Variants in ZC3H12B observed in about 807,000 individuals in gnomAD.
ZC3H12B encodes probable ribonuclease ZC3H12B.
In ZC3H12B, 7 loss-of-function variants were observed where a neutral mutation model predicts 43.9. The observed-to-expected ratio is 0.16, with a 90% CI of 0.09 to 0.30. The LOEUF is 0.30. Among genes scored for constraint, ZC3H12B ranks in the 10% least tolerant of loss-of-function variants. The pLI is 1.00. For missense variants in ZC3H12B, 475 were observed against 670.2 expected, an observed-to-expected ratio of 0.71 and a Z score of 3.22; for synonymous variants, 222 against 241.7, an observed-to-expected ratio of 0.92 and a Z score of 0.76.
chrX:65,081,012 A>C, the ZC3H12B span, among the ~76,000 whole-genome samples: 1 of 110,536 alleles, frequency 9.0e-6, no homozygotes, highest in African/African-American at 3.3e-5. Context: ...AGTTTCTATT[A>C]ATTTTCTTTC....
the ZC3H12B span, among the ~76,000 whole-genome samples, chrX:65,240,295 T>A: frequency 3.3e-4 from 37 of 111,808 alleles, no homozygotes; most frequent in Non-Finnish European, 6.4e-4. Flanking sequence ...CCCTTTTTGT[T>A]TTGTCTGTCC....
the ZC3H12B span, among the ~76,000 whole-genome samples, chrX:65,329,815 C>A: frequency 6.3e-5 from 7 of 111,286 alleles, no homozygotes; most frequent in African/African-American, 2.3e-4. Context: ...AATCCTTTCC[C>A]CATTGCTTGT....
the ZC3H12B span, among the ~76,000 whole-genome samples, chrX:65,303,372 T>A: frequency 8.9e-6 from 1 of 111,983 alleles, no homozygotes; most frequent in African/African-American, 3.2e-5. Flanking sequence ...TAAAAGTTTT[T>A]AAAATAATAT....
the ZC3H12B span, among the ~76,000 whole-genome samples, chrX:65,176,377 G>C: frequency 9.0e-6 from 1 of 111,719 alleles, no homozygotes; most frequent in Admixed American, 9.5e-5. Context: ...TGAAAGGCAG[G>C]AGCCCCAATC....
chrX:65,254,747 G>A, the ZC3H12B span, among the ~76,000 whole-genome samples: 5 of 111,562 alleles, frequency 4.5e-5, no homozygotes, highest in Admixed American at 4.8e-4. Flanking sequence ...TTCAGAATAT[G>A]GATAGGAATG....
the ZC3H12B span, among the ~76,000 whole-genome samples, chrX:65,150,746 G>T: frequency 2.7e-5 from 3 of 111,298 alleles, no homozygotes; most frequent in African/African-American, 9.8e-5. Context: ...TTTATATCCA[G>T]TGCCATTTGT....
the ZC3H12B span, among the ~76,000 whole-genome samples, chrX:65,050,049 G>T: frequency 9.0e-6 from 1 of 110,706 alleles, no homozygotes; most frequent in African/African-American, 3.3e-5. Context: ...TTGACCTATT[G>T]GTTATTCAAA....
upstream of ZC3H12B, among the ~76,000 whole-genome samples, chrX:65,362,578 C>T (rs1179883450): frequency 9.1e-6 from 1 of 110,139 alleles, no homozygotes; most frequent in African/African-American, 3.3e-5. Flanking sequence ...CTCTCATATC[C>T]CCCCACCTTA....
chrX:65,287,684 T>C, the ZC3H12B span, among the ~76,000 whole-genome samples: 1 of 110,812 alleles, frequency 9.0e-6, no homozygotes, highest in East Asian at 2.8e-4. Context: ...GGAAAGTTAA[T>C]AGAAATAAAT....
the ZC3H12B span, among the ~76,000 whole-genome samples, chrX:65,342,283 A>T: frequency 9.0e-6 from 1 of 111,590 alleles, no homozygotes; most frequent in Non-Finnish European, 1.9e-5. Context: ...CAGGACTTGA[A>T]CTCAGCACTG....
chrX:65,337,747 T>C, the ZC3H12B span, among the ~76,000 whole-genome samples: 1 of 112,761 alleles, frequency 8.9e-6, no homozygotes, highest in Non-Finnish European at 1.9e-5. Context: ...AAAGATCTTT[T>C]TGAAAATTAA....
At chrX:65,372,429 C>T (rs1262676551) in intron 2 of ZC3H12B, among the ~76,000 whole-genome samples, 1 of 103,307 alleles carries the variant, frequency 9.7e-6, no homozygotes, top group Admixed American at 1.1e-4. Flanking sequence ...TGATTGCGGA[C>T]ATATTTTAAG....
At chrX:65,134,517 G>A in the ZC3H12B span, among the ~76,000 whole-genome samples, 1 of 111,694 alleles carries the variant, frequency 9.0e-6, no homozygotes, top group African/African-American at 3.3e-5. Flanking sequence ...GCAAAAGAGG[G>A]AGATTGAAGG....
chrX:65,040,163 G>A, the ZC3H12B span, among the ~76,000 whole-genome samples: 1 of 111,102 alleles, frequency 9.0e-6, no homozygotes. Flanking sequence ...TTGACATATG[G>A]GGGTGTGACA....
intron 4 of ZC3H12B, among the ~76,000 whole-genome samples, chrX:65,501,454 A>G (rs1207575344): frequency 9.2e-6 from 1 of 109,271 alleles, no homozygotes; most frequent in Non-Finnish European, 1.9e-5. Flanking sequence ...GGGGTTTCAC[A>G]ATGTTGCCCA....
chrX:65,163,736 G>A, the ZC3H12B span, among the ~76,000 whole-genome samples: 1 of 111,693 alleles, frequency 9.0e-6, no homozygotes, highest in African/African-American at 3.3e-5. Flanking sequence ...GTGAGGCAAT[G>A]CCTCGCCCTG....
chrX:65,254,522 A>C, the ZC3H12B span, among the ~76,000 whole-genome samples: 1 of 112,412 alleles, frequency 8.9e-6, no homozygotes, highest in African/African-American at 3.2e-5. Flanking sequence ...AAAACCACGA[A>C]GGACATCAAA....
At chrX:65,460,724 A>G (rs2067729291) in intron 3 of ZC3H12B, among the ~76,000 whole-genome samples, 1 of 112,234 alleles carries the variant, frequency 8.9e-6, no homozygotes, top group African/African-American at 3.2e-5. Context: ...TGGATTAAAG[A>G]TTTAAATGTT....
At chrX:65,427,100 T>C (rs1342431721) in intron 3 of ZC3H12B, among the ~76,000 whole-genome samples, 1 of 111,731 alleles carries the variant, frequency 9.0e-6, no homozygotes, top group Non-Finnish European at 1.9e-5. Context: ...AGTCTAAGTC[T>C]CTTTGAAGGT....
Sources: gnomAD v4.1 joint callset for allele counts (sites outside exome capture counted in the v4.1 genomes callset) on GRCh38, gnomAD v4.1.1 for gene constraint, MANE v1.5 for transcripts, NCBI Gene and HGNC (gene_info 2026-07-23, HGNC 2026-07-21) for gene names.